The following SIAE variants were observed in gnomAD, a reference collection of about 807,000 sequenced individuals.
SIAE encodes sialic acid acetylesterase.
SIAE carries 39 observed loss-of-function variants against 52.6 expected under a neutral mutation model. The observed-to-expected ratio is 0.74, with a 90% CI of 0.57 to 0.97. SIAE has a LOEUF of 0.97. Among genes scored for constraint, SIAE ranks in the 50% least tolerant of loss-of-function variants. SIAE has a pLI of 0.00. For synonymous variants in SIAE, 233 were observed against 241.4 expected (o/e 0.97, Z 0.32); for missense variants, 592 against 662.1 (o/e 0.89, Z 1.16).
chr11:124,657,539 C>T (rs530911941), intron 3 of SIAE, among the ~76,000 whole-genome samples: 14 of 152,264 alleles, frequency 9.2e-5, no homozygotes, highest in African/African-American at 3.1e-4. Flanking sequence ...CTTTTAGACC[C>T]GTTGCTAACA....
chr11:124,673,437 G>C (rs892006245), intron 1 of SIAE, among the ~76,000 whole-genome samples: 3 of 152,234 alleles, frequency 2.0e-5, no homozygotes, highest in Non-Finnish European at 4.4e-5. Context: ...TGGTAAGTGG[G>C]GGGTGGAGAA....
intron 4 of SIAE, among the ~76,000 whole-genome samples, chr11:124,653,755 CTGT>C (rs1230859843): frequency 6.6e-6 from 1 of 152,180 alleles, no homozygotes; most frequent in Non-Finnish European, 1.5e-5. Context: ...GCGATGTTTA[CTGT>C]TGTTTTGTTT....
chr11:124,650,774 A>C (rs1005425674), intron 4 of SIAE, among the ~76,000 whole-genome samples: 3 of 152,196 alleles, frequency 2.0e-5, no homozygotes, highest in Admixed American at 2.0e-4. Flanking sequence ...ACTCTGTCTC[A>C]AAAAAATAAA....
At position 124,641,393 on chromosome 11, in the gene SIAE, G is replaced by A. The variant is rs1405829637; in HGVS notation, c.967-1526C>T. Among the ~76,000 whole-genome samples the A allele has an allele frequency of 2.6e-5, 4 of 152,192 alleles. No homozygotes were observed. In the South Asian group the frequency reaches 8.3e-4, roughly 32 times the overall value. On this transcript the variant is annotated intron_variant, in intron 7 of 9. Coordinates refer to ENST00000263593, the MANE Select transcript of SIAE (RefSeq NM_170601.5). ...TCGTTCTGAGAGAGGGGCAATCCAG[G>A]TGGACTGGAGGATTTGTGAAGGAAA...
At chr11:124,666,538 T>C (rs1943275283) in intron 2 of SIAE, among the ~76,000 whole-genome samples, 2 of 152,212 alleles carry the variant, frequency 1.3e-5, no homozygotes, top group South Asian at 4.1e-4. Flanking sequence ...GAAAGTCTAA[T>C]AAATAGGTCC....
At chr11:124,673,383 G>A (rs911324630) in intron 1 of SIAE, among the ~76,000 whole-genome samples, 2 of 152,216 alleles carry the variant, frequency 1.3e-5, no homozygotes, top group Non-Finnish European at 1.5e-5. Flanking sequence ...TCCCCACTCA[G>A]ACAAGCCGCA....
chr11:124,636,788 C>G lies in SIAE; in HGVS notation c.*163G>C, dbSNP rs968494498. The G allele has an allele frequency of 2.0e-6, 2 of 1,002,612 alleles. No individual in the cohort carries two copies. Among genetic ancestry groups the G allele is most frequent in the African/African-American group, 3.2e-5 (2 of 61,804 alleles). 62.1% of individuals were successfully genotyped at this position (1,002,612 alleles called of 1,614,324 possible). ...GCAAGCATTTCAAGTTACCTATAAG[C>G]CTGGGCTCATCAGAATATAGAAACA... On this transcript the variant is annotated 3_prime_UTR_variant, in exon 10 of 10. Transcript: ENST00000263593.
intron 8 of SIAE, 85 bp from the exon 9 acceptor site, chr11:124,638,822 C>A (rs1942795748): frequency 9.3e-7 from 1 of 1,069,916 alleles, no homozygotes; most frequent in African/African-American, 1.6e-5. Flanking sequence ...ATACAAAGCA[C>A]CCTTTATGAA....
chr11:124,671,973 T>C (rs1316457668), intron 1 of SIAE, among the ~76,000 whole-genome samples: 3 of 151,710 alleles, frequency 2.0e-5, no homozygotes, highest in Non-Finnish European at 4.4e-5. Context: ...AGACGGGGTT[T>C]CACTACGTTG....
Position 124,634,138 on chromosome 11 carries a change from A to T in SIAE, c.*2813T>A, listed in dbSNP as rs889897487. 1 of 152,124 alleles carries T rather than the reference A, an allele frequency of 6.6e-6. No individual in the cohort carries two copies. The highest frequency in any genetic ancestry group is 1.5e-5 in the Non-Finnish European group (1 of 68,048). The allele number at this position is 152,124 out of a possible 1,614,324, so 9.4% of individuals were successfully genotyped here. On this transcript the variant is annotated 3_prime_UTR_variant, in exon 10 of 10. Coordinates refer to ENST00000263593, the MANE Select transcript of SIAE (RefSeq NM_170601.5). ...GGCGGGTGGATCAAGAGGTCAGGAG[A>T]TCGAGACCATCCTGGCTAAGTCGGT...
At chr11:124,639,579 T>C in intron 8 of SIAE, 131 bp downstream of exon 8, 2 of 1,124,552 alleles carry the variant, frequency 1.8e-6, no homozygotes, top group Non-Finnish European at 2.7e-6. Flanking sequence ...CTGTTGTTAC[T>C]GCAGCACACC....
At chr11:124,655,408 C>T (rs1162658663) in intron 3 of SIAE, among the ~76,000 whole-genome samples, 1 of 152,130 alleles carries the variant, frequency 6.6e-6, no homozygotes, top group Non-Finnish European at 1.5e-5. Context: ...ATCTCCAGAC[C>T]TCGTGATCCG....
intron 4 of SIAE, among the ~76,000 whole-genome samples, chr11:124,652,122 C>CTTGGAGTAAAGAAAATGGAAACCCA (rs1943026421): frequency 6.6e-6 from 1 of 152,114 alleles, no homozygotes; most frequent in Non-Finnish European, 1.5e-5. Flanking sequence ...AGAGCCACAT[C>CTTGGAGTAAAGAAAATGGAAACCCA]TTGGAGTAAA....
At chr11:124,637,982 C>T (rs1435949401) in intron 9 of SIAE, among the ~76,000 whole-genome samples, 5 of 152,202 alleles carry the variant, frequency 3.3e-5, no homozygotes, top group Non-Finnish European at 7.3e-5. Flanking sequence ...GCCTCCATCT[C>T]CCACCCTCAA....
At chr11:124,669,192 C>T (rs1313679586) in intron 2 of SIAE, among the ~76,000 whole-genome samples, 168 bp downstream of exon 2, 1 of 152,156 alleles carries the variant, frequency 6.6e-6, no homozygotes, top group Non-Finnish European at 1.5e-5. Context: ...TGTTTGTATC[C>T]TCAGTGCCTA....
intron 7 of SIAE, among the ~76,000 whole-genome samples, chr11:124,642,972 G>A (rs1490899191): frequency 6.6e-6 from 1 of 152,152 alleles, no homozygotes. Flanking sequence ...AGAACTCCAA[G>A]CCTCAGATGA....
intron 5 of SIAE, among the ~76,000 whole-genome samples, chr11:124,648,470 T>TGG (rs60074472): frequency 2.0e-5 from 3 of 150,718 alleles, no homozygotes; most frequent in South Asian, 2.1e-4. Context: ...TCTCACATTG[T>TGG]GGGGGGGGGC....
chr11:124,662,652 G>C (rs1372306984), intron 2 of SIAE, among the ~76,000 whole-genome samples: 1 of 152,142 alleles, frequency 6.6e-6, no homozygotes, highest in Non-Finnish European at 1.5e-5. Context: ...ATACCATCCT[G>C]CTACAGCCAG....
In SIAE at chr11:124,669,375, C is replaced by T; in HGVS notation, c.214G>A (p.Val72Met). 2 of 1,614,172 alleles carry T rather than the reference C, an allele frequency of 1.2e-6. No individual in the cohort carries two copies. Among genetic ancestry groups the T allele is most frequent in the Non-Finnish European group, 1.7e-6 (2 of 1,180,030 alleles). ...RQGQETIMKK[V>M]TSVKAHSDTW... The stretch of plus-strand genomic sequence containing the variant: ...GCTGCCTTACCTTTCACACTGGTCA[C>T]TTTCTTCATGATGGTTTCCTGACCT... Residue 72 changes from valine to methionine, a missense_variant, in exon 2 of 10, where the codon GTG becomes ATG. Physicochemically the swap from Val to Met is conservative, Grantham distance 21 (BLOSUM62 1). Coordinates refer to ENST00000263593, the MANE Select transcript of SIAE (RefSeq NM_170601.5).
Sources: gnomAD v4.1 joint callset for allele counts (sites outside exome capture counted in the v4.1 genomes callset) on GRCh38, gnomAD v4.1.1 for gene constraint, MANE v1.5 for transcripts, NCBI Gene and HGNC (gene_info 2026-07-23, HGNC 2026-07-21) for gene names.